The following LMBRD1 variants were observed in gnomAD, a reference collection of about 807,000 sequenced individuals.
LMBRD1 encodes the protein lysosomal cobalamin transport escort protein LMBD1.
LMBRD1 carries 64 observed loss-of-function variants against 74.8 expected under a neutral mutation model. The ratio of observed to expected loss-of-function variants is 0.86; its 90% CI spans 0.70 to 1.05. The LOEUF (loss-of-function observed/expected upper bound fraction) is 1.05. Among genes scored for constraint, LMBRD1 ranks in the 50% least tolerant of loss-of-function variants. The pLI is 0.00. For synonymous variants in LMBRD1, 204 were observed against 216.3 expected (o/e 0.94, Z 0.50); for missense variants, 652 against 645.9 (o/e 1.01, Z -0.10).
chr6:69,796,991 G>C lies in LMBRD1; in HGVS notation c.-110C>G. On this transcript the variant is annotated 5_prime_UTR_variant, in exon 1 of 16. Coordinates refer to ENST00000649934, the MANE Select transcript of LMBRD1 (RefSeq NM_018368.4). ...CCCGCGCACCCTAAAGGTTAAAGGG[G>C]CGGAGGGGGAGGAGCAAGTGGTTGC... The C allele has an allele frequency of 2.1e-6, 2 of 941,908 alleles. No individual in the cohort carries two copies. Among genetic ancestry groups the C allele is most frequent in the South Asian group, 2.8e-5 (2 of 71,450 alleles). The allele number at this position is 941,908 out of a possible 1,614,324, so 58.3% of individuals were successfully genotyped here.
intron 8 of LMBRD1, among the ~76,000 whole-genome samples, chr6:69,715,148 T>C (rs1351749033): frequency 6.6e-6 from 1 of 152,112 alleles, no homozygotes; most frequent in Non-Finnish European, 1.5e-5. Context: ...TTCTGGAAGA[T>C]AAATCCAGGT....
At chr6:69,791,344 T>C (rs1766078967) in intron 1 of LMBRD1, among the ~76,000 whole-genome samples, 1 of 152,198 alleles carries the variant, frequency 6.6e-6, no homozygotes, top group Non-Finnish European at 1.5e-5. Flanking sequence ...TTTGAGAACT[T>C]CTACTCTACT....
At chr6:69,687,367 T>A (rs1271751961) in intron 14 of LMBRD1, among the ~76,000 whole-genome samples, 1 of 152,218 alleles carries the variant, frequency 6.6e-6, no homozygotes, top group African/African-American at 2.4e-5. Flanking sequence ...ACCTGACATA[T>A]TTATTTGTCT....
chr6:69,795,578 A>C (rs1200131602), intron 1 of LMBRD1, among the ~76,000 whole-genome samples: 1 of 152,132 alleles, frequency 6.6e-6, no homozygotes, highest in African/African-American at 2.4e-5. Flanking sequence ...ATTTTTTTCT[A>C]AACAAACTAA....
chr6:69,780,582 T>A (rs759220505), intron 2 of LMBRD1, 28 bp from the exon 3 acceptor site: 1 of 1,528,472 alleles, frequency 6.5e-7, no homozygotes, highest in African/African-American at 1.4e-5. Flanking sequence ...AATAGAAATA[T>A]TAATGAAACA....
chr6:69,756,983 T>C (rs13197020), intron 3 of LMBRD1, among the ~76,000 whole-genome samples: 7,758 of 152,228 alleles, frequency 0.051, 242 homozygotes, highest in Middle Eastern at 0.071. Flanking sequence ...CATTCAGCAA[T>C]ATTAGGTCTG....
intron 9 of LMBRD1, chr6:69,705,868 A>C: frequency 7.5e-7 from 1 of 1,339,714 alleles, no homozygotes; most frequent in Middle Eastern, 2.5e-4. Context: ...CCGTAAGACC[A>C]CTGGTGGTGT....
At chr6:69,760,280 TA>T (rs1415361030) in intron 3 of LMBRD1, among the ~76,000 whole-genome samples, 12 of 152,208 alleles carry the variant, frequency 7.9e-5, no homozygotes, top group African/African-American at 2.9e-4. Flanking sequence ...CTTTCTTCAA[TA>T]ATCTGTATAA....
At chr6:69,688,169 T>A (rs555124559) in intron 14 of LMBRD1, among the ~76,000 whole-genome samples, 29 of 152,228 alleles carry the variant, frequency 1.9e-4, no homozygotes, top group African/African-American at 6.7e-4. Flanking sequence ...CCTTTAAGAC[T>A]TAGTTTCTAG....
chr6:69,779,798 T>C (rs2149892791), intron 3 of LMBRD1, among the ~76,000 whole-genome samples: 1 of 152,352 alleles, frequency 6.6e-6, no homozygotes, highest in East Asian at 1.9e-4. Flanking sequence ...AAATCTCATA[T>C]GTGGTTTCAA....
At chr6:69,677,522 AAAG>A (rs1474989866) in intron 14 of LMBRD1, among the ~76,000 whole-genome samples, 4 of 152,144 alleles carry the variant, frequency 2.6e-5, no homozygotes, top group African/African-American at 9.7e-5. Flanking sequence ...GGAACAGAAG[AAAG>A]AAGGGCAAGG....
chr6:69,784,008 A>G (rs1193911432), intron 2 of LMBRD1, among the ~76,000 whole-genome samples: 1 of 152,238 alleles, frequency 6.6e-6, no homozygotes, highest in East Asian at 1.9e-4. Flanking sequence ...AAAGCTACAA[A>G]TATGTGTAAG....
chr6:69,785,788 C>T (rs565696701), intron 2 of LMBRD1, among the ~76,000 whole-genome samples: 1 of 152,184 alleles, frequency 6.6e-6, no homozygotes, highest in Non-Finnish European at 1.5e-5. Flanking sequence ...AAGTCATGAA[C>T]AGTCTGGCTC....
chr6:69,748,340 A>G (rs1391207257), intron 5 of LMBRD1, among the ~76,000 whole-genome samples: 1 of 151,948 alleles, frequency 6.6e-6, no homozygotes, highest in Non-Finnish European at 1.5e-5. Flanking sequence ...TTTCTTTAAA[A>G]AGCCAAAAAA....
chr6:69,690,108 G>A (rs1765845989), intron 14 of LMBRD1, among the ~76,000 whole-genome samples: 1 of 151,242 alleles, frequency 6.6e-6, no homozygotes, highest in Non-Finnish European at 1.5e-5. Flanking sequence ...AATATTTTGA[G>A]CTGATCTTAT....
At chr6:69,697,024 A>AG (rs1034360532) in intron 14 of LMBRD1, among the ~76,000 whole-genome samples, 2 of 151,600 alleles carry the variant, frequency 1.3e-5, no homozygotes, top group Non-Finnish European at 2.9e-5. Flanking sequence ...CAACTCACAT[A>AG]GAAAAAAAAA....
intron 2 of LMBRD1, 149 bp downstream of exon 2, chr6:69,790,147 C>T: frequency 1.6e-6 from 1 of 639,512 alleles, no homozygotes; most frequent in Non-Finnish European, 2.8e-6. Context: ...TCTGGTCTAT[C>T]AGGTTAGATG....
intron 1 of LMBRD1, 162 bp from the exon 2 acceptor site, chr6:69,790,634 A>G (rs78948171): frequency 3.0e-6 from 2 of 677,594 alleles, no homozygotes; most frequent in East Asian, 2.8e-5. Flanking sequence ...CAAGATGTAT[A>G]ATTTTCAAAG....
chr6:69,772,895 CTT>C (rs1310878055), intron 3 of LMBRD1, among the ~76,000 whole-genome samples: 1 of 152,132 alleles, frequency 6.6e-6, no homozygotes, highest in Non-Finnish European at 1.5e-5. Context: ...GAAAATTTCT[CTT>C]GTTCTCTTAT....
Sources: gnomAD v4.1 joint callset for allele counts (sites outside exome capture counted in the v4.1 genomes callset) on GRCh38, gnomAD v4.1.1 for gene constraint, MANE v1.5 for transcripts, NCBI Gene and HGNC (gene_info 2026-07-23, HGNC 2026-07-21) for gene names.